CADM2: variants seen among roughly 807,000 people sequenced by gnomAD.
The protein encoded by CADM2 is cell adhesion molecule 2.
In CADM2, 12 loss-of-function variants were observed where a neutral mutation model predicts 49.8. The ratio of observed to expected loss-of-function variants is 0.24; its 90% CI spans 0.15 to 0.39. The LOEUF (loss-of-function observed/expected upper bound fraction) is 0.39, where lower values mean the gene tolerates loss of function less well. CADM2 is among the 10% of genes least tolerant of loss of function. CADM2 has a pLI of 1.00. For synonymous variants in CADM2, 214 were observed against 175.4 expected, an observed-to-expected ratio of 1.22 and a Z score of -1.74; for missense variants, 378 against 492.3, an observed-to-expected ratio of 0.77 and a Z score of 2.20.
intron 8 of CADM2, among the ~76,000 whole-genome samples, chr3:85,985,223 AGAT>A (rs142499690): frequency 0.018 from 2,692 of 152,046 alleles, 84 homozygotes; most frequent in African/African-American, 0.061. Context: ...CATTACTCAT[AGAT>A]GATGACTTCT....
intron 5 of CADM2, among the ~76,000 whole-genome samples, chr3:85,900,807 A>C (rs1165394516): frequency 6.6e-6 from 1 of 152,140 alleles, no homozygotes; most frequent in Non-Finnish European, 1.5e-5. Context: ...ATTTCCAAAA[A>C]ATATTTTATG....
intron 1 of CADM2, among the ~76,000 whole-genome samples, chr3:85,463,365 T>G (rs1257234344): frequency 2.0e-5 from 3 of 152,134 alleles, no homozygotes; most frequent in Non-Finnish European, 4.4e-5. Context: ...GAACTGTAAC[T>G]TTATCTGGCT....
intron 1 of CADM2, among the ~76,000 whole-genome samples, chr3:85,538,378 A>G (rs1283566261): frequency 6.6e-6 from 1 of 152,082 alleles, no homozygotes; most frequent in Non-Finnish European, 1.5e-5. Flanking sequence ...AGGTGGAGAT[A>G]CCAAGGCTCC....
In CADM2 at chr3:85,802,041, T is replaced by C; in HGVS notation, c.89-6T>C. The C allele has an allele frequency of 6.2e-7, 1 of 1,603,310 alleles. No individual in the cohort carries two copies. Among genetic ancestry groups the C allele is most frequent in the Non-Finnish European group, 8.5e-7 (1 of 1,173,872 alleles). On this transcript the variant is annotated splice_polypyrimidine_tract_variant and splice_region_variant and intron_variant, in intron 2 of 9. Coordinates refer to ENST00000383699, the MANE Select transcript of CADM2 (RefSeq NM_001167675.2). ...TTAATCAACATTTTCTTTAATCCCCTTTTAGGCAGCCAAGGGCAGTTTCCA... is the reference window on the plus strand; with the variant it reads ...TTAATCAACATTTTCTTTAATCCCCCTTTAGGCAGCCAAGGGCAGTTTCCA...
intron 3 of CADM2, among the ~76,000 whole-genome samples, chr3:85,831,388 T>A (rs1187463765): frequency 1.3e-5 from 2 of 151,966 alleles, no homozygotes; most frequent in African/African-American, 2.4e-5. Context: ...CTGTTTTAAC[T>A]TCTTTAAAAA....
chr3:85,951,896 G>T (rs574803241), intron 7 of CADM2, among the ~76,000 whole-genome samples: 1 of 150,976 alleles, frequency 6.6e-6, no homozygotes, highest in African/African-American at 2.4e-5. Flanking sequence ...TGGAGAAAGG[G>T]AAAAAACAAA....
chr3:85,900,497 A>C (rs1715965498), intron 5 of CADM2, among the ~76,000 whole-genome samples: 1 of 152,180 alleles, frequency 6.6e-6, no homozygotes, highest in Non-Finnish European at 1.5e-5. Context: ...GGAAAAGAAA[A>C]TTTCGGTATG....
chr3:85,938,628 C>T (rs575506413), intron 7 of CADM2, among the ~76,000 whole-genome samples: 14 of 151,878 alleles, frequency 9.2e-5, no homozygotes, highest in Non-Finnish European at 1.8e-4. Context: ...CTCAGGTAAT[C>T]GTTGTCAAAG....
intron 1 of CADM2, among the ~76,000 whole-genome samples, chr3:85,230,412 G>A (rs1378918383): frequency 6.6e-6 from 1 of 152,114 alleles, no homozygotes; most frequent in East Asian, 1.9e-4. Context: ...ATTTGAAAGT[G>A]CAACTTTATC....
intron 3 of CADM2, among the ~76,000 whole-genome samples, chr3:85,826,046 T>C (rs75173370): frequency 0.044 from 6,765 of 152,168 alleles, 514 homozygotes; most frequent in African/African-American, 0.15. Flanking sequence ...AGTAAAATAA[T>C]CTAGCAAGGA....
chr3:85,952,839 T>A (rs1285000733), intron 7 of CADM2, among the ~76,000 whole-genome samples: 2 of 151,002 alleles, frequency 1.3e-5, no homozygotes, highest in African/African-American at 4.8e-5. Flanking sequence ...GGCCTCTTTA[T>A]TGGATTTTCC....
chr3:86,037,792 T>G (rs1408749263), intron 8 of CADM2, among the ~76,000 whole-genome samples: 2 of 152,176 alleles, frequency 1.3e-5, no homozygotes, highest in Non-Finnish European at 2.9e-5. Flanking sequence ...AATATTAACT[T>G]AGGGCTAAGA....
At chr3:85,114,282 A>G (rs974869500) in intron 1 of CADM2, among the ~76,000 whole-genome samples, 1 of 152,098 alleles carries the variant, frequency 6.6e-6, no homozygotes, top group Non-Finnish European at 1.5e-5. Flanking sequence ...TCGATAGGAC[A>G]GAAGTGTGAA....
At chr3:85,907,580 T>C (rs540444949) in intron 5 of CADM2, among the ~76,000 whole-genome samples, 1 of 152,064 alleles carries the variant, frequency 6.6e-6, no homozygotes, top group East Asian at 1.9e-4. Context: ...GATAAAGAGG[T>C]CTATTTCAGG....
chr3:85,340,204 A>G (rs910819920), intron 1 of CADM2, among the ~76,000 whole-genome samples: 10 of 151,532 alleles, frequency 6.6e-5, no homozygotes, highest in African/African-American at 1.9e-4. Flanking sequence ...CTCTATGAAT[A>G]TAGCTTAGGA....
At chr3:85,890,559 G>T (rs1714284051) in intron 5 of CADM2, among the ~76,000 whole-genome samples, 1 of 152,086 alleles carries the variant, frequency 6.6e-6, no homozygotes, top group Admixed American at 6.6e-5. Context: ...TAGATTATCG[G>T]ACCCAGAAGG....
intron 3 of CADM2, among the ~76,000 whole-genome samples, chr3:85,837,374 A>C (rs1174656441): frequency 1.3e-5 from 2 of 151,644 alleles, no homozygotes; most frequent in African/African-American, 4.8e-5. Context: ...TATAATATTA[A>C]ATATAAAAAA....
At chr3:85,133,447 G>A (rs1394348228) in intron 1 of CADM2, among the ~76,000 whole-genome samples, 2 of 152,008 alleles carry the variant, frequency 1.3e-5, no homozygotes, top group African/African-American at 2.4e-5. Context: ...GTTCTCCAAG[G>A]CCCCACCAGA....
intron 5 of CADM2, among the ~76,000 whole-genome samples, chr3:85,897,239 A>ATTT (rs1559728598): frequency 9.7e-5 from 8 of 82,238 alleles, no homozygotes; most frequent in Non-Finnish European, 1.7e-4. Context: ...TTTAACCTAC[A>ATTT]TCTTTTTTTT....
Sources: gnomAD v4.1 joint callset for allele counts (sites outside exome capture counted in the v4.1 genomes callset) on GRCh38, gnomAD v4.1.1 for gene constraint, MANE v1.5 for transcripts, NCBI Gene and HGNC (gene_info 2026-07-23, HGNC 2026-07-21) for gene names.